The following ENOX2 variants were observed in gnomAD, a reference collection of about 807,000 sequenced individuals.
The protein encoded by ENOX2 is ecto-NOX disulfide-thiol exchanger 2.
A neutral mutation model predicts 45.0 loss-of-function variants in ENOX2; 36 were observed. The observed-to-expected ratio is 0.80, with a 90% CI of 0.61 to 1.06. The LOEUF is 1.06. Among genes scored for constraint, ENOX2 ranks in the 50% least tolerant of loss-of-function variants. The pLI, the probability that ENOX2 is intolerant of heterozygous loss-of-function variation, is 0.00. For missense variants in ENOX2, 423 were observed against 462.5 expected (o/e 0.91, Z 0.78); for synonymous variants, 174 against 152.3 (o/e 1.14, Z -1.05).
intron 3 of ENOX2, among the ~76,000 whole-genome samples, chrX:130,751,822 A>C (rs1340571411): frequency 8.9e-6 from 1 of 112,117 alleles, no homozygotes; most frequent in Non-Finnish European, 1.9e-5. Context: ...GTAATGTTGA[A>C]CATCTTTTCA....
At chrX:130,757,254 A>T (rs2039374556) in intron 3 of ENOX2, among the ~76,000 whole-genome samples, 2 of 111,704 alleles carry the variant, frequency 1.8e-5, no homozygotes, top group South Asian at 7.7e-4. Context: ...TTCCCTTACA[A>T]ATTCATGTCT....
chrX:130,888,252 G>A (rs1423203455), intron 2 of ENOX2, among the ~76,000 whole-genome samples: 1 of 112,414 alleles, frequency 8.9e-6, no homozygotes, highest in African/African-American at 3.2e-5. Context: ...CACTTTACAT[G>A]TAAGTGCTTC....
At chrX:130,821,909 CA>C (rs1222428334) in intron 2 of ENOX2, among the ~76,000 whole-genome samples, 2 of 104,409 alleles carry the variant, frequency 1.9e-5, no homozygotes, top group African/African-American at 7.0e-5. Flanking sequence ...CTACAAAAAA[CA>C]AAAAAAATTA....
intron 3 of ENOX2, among the ~76,000 whole-genome samples, chrX:130,752,758 C>T (rs2039256008): frequency 9.0e-6 from 1 of 110,631 alleles, no homozygotes; most frequent in African/African-American, 3.3e-5. Context: ...TTTGCCTCTC[C>T]CATATAGCTC....
At chrX:130,724,653 A>T (rs2038563523) in intron 3 of ENOX2, among the ~76,000 whole-genome samples, 1 of 112,365 alleles carries the variant, frequency 8.9e-6, no homozygotes, top group African/African-American at 3.2e-5. Flanking sequence ...AAGCTATTGG[A>T]AGAGACTGAC....
intron 3 of ENOX2, among the ~76,000 whole-genome samples, chrX:130,770,629 C>A (rs1296705957): frequency 3.6e-5 from 4 of 111,642 alleles, no homozygotes; most frequent in Non-Finnish European, 7.5e-5. Context: ...ACACAAAGGA[C>A]TAGTAAACAT....
At chrX:130,809,953 A>T (rs1479622662) in intron 2 of ENOX2, among the ~76,000 whole-genome samples, 1 of 111,575 alleles carries the variant, frequency 9.0e-6, no homozygotes, top group East Asian at 2.8e-4. Context: ...AACTACCTAC[A>T]CACAAAAATA....
intron 2 of ENOX2, among the ~76,000 whole-genome samples, chrX:130,841,563 A>T (rs1275931027): frequency 8.9e-6 from 1 of 112,162 alleles, no homozygotes; most frequent in Non-Finnish European, 1.9e-5. Context: ...TGCTTTCCCC[A>T]GGTGGGATCC....
chrX:130,768,896 T>C (rs1219845739), intron 3 of ENOX2, among the ~76,000 whole-genome samples: 1 of 111,255 alleles, frequency 9.0e-6, no homozygotes, highest in Non-Finnish European at 1.9e-5. Flanking sequence ...TTCTCAGATA[T>C]AGTTTGGATG....
intron 2 of ENOX2, among the ~76,000 whole-genome samples, chrX:130,791,747 C>T (rs1286022632): frequency 9.0e-6 from 1 of 111,708 alleles, no homozygotes; most frequent in Non-Finnish European, 1.9e-5. Context: ...GTATCTTCTG[C>T]ATCTTAGGAT....
At chrX:130,829,276 C>G (rs774897182) in intron 2 of ENOX2, among the ~76,000 whole-genome samples, 17 of 111,678 alleles carry the variant, frequency 1.5e-4, no homozygotes, top group Admixed American at 9.5e-4. Context: ...ATGCCAAGCC[C>G]TATATGGTCA....
intron 4 of ENOX2, among the ~76,000 whole-genome samples, chrX:130,689,903 C>T (rs1019122700): frequency 1.8e-5 from 2 of 111,318 alleles, no homozygotes; most frequent in African/African-American, 3.3e-5. Flanking sequence ...GCAGCATTTT[C>T]GTGGCACAAT....
At chrX:130,827,326 C>T (rs776121187) in intron 2 of ENOX2, among the ~76,000 whole-genome samples, 1 of 111,706 alleles carries the variant, frequency 9.0e-6, no homozygotes, top group East Asian at 2.8e-4. Flanking sequence ...GATTCTGCCC[C>T]CTCTGACTGG....
At chrX:130,887,593 C>T (rs1280788475) in intron 2 of ENOX2, among the ~76,000 whole-genome samples, 1 of 111,177 alleles carries the variant, frequency 9.0e-6, no homozygotes, top group Non-Finnish European at 1.9e-5. Flanking sequence ...GCTATTACTG[C>T]ATGTGTCACC....
intron 2 of ENOX2, among the ~76,000 whole-genome samples, chrX:130,875,660 G>A (rs928649852): frequency 7.2e-5 from 8 of 111,260 alleles, no homozygotes; most frequent in African/African-American, 1.6e-4. Context: ...AACTAAAATC[G>A]GATCATAGGC....
intron 2 of ENOX2, among the ~76,000 whole-genome samples, chrX:130,878,540 A>C (rs2078749541): frequency 9.0e-6 from 1 of 111,589 alleles, no homozygotes; most frequent in African/African-American, 3.3e-5. Flanking sequence ...GTGAGTGCCA[A>C]TATTCACGAA....
At chrX:130,832,844 C>T (rs2077860750) in intron 2 of ENOX2, among the ~76,000 whole-genome samples, 1 of 111,047 alleles carries the variant, frequency 9.0e-6, no homozygotes, top group Non-Finnish European at 1.9e-5. Context: ...TCACACACCA[C>T]CCCCTTTTAG....
At chrX:130,633,025 A>T (rs1187797391) in intron 12 of ENOX2, among the ~76,000 whole-genome samples, 2 of 112,366 alleles carry the variant, frequency 1.8e-5, no homozygotes, top group Non-Finnish European at 3.8e-5. Context: ...AGCCATCTTG[A>T]ATAGAACTGC....
At chrX:130,688,343 G>C (rs975734466) in intron 5 of ENOX2, among the ~76,000 whole-genome samples, 3 of 112,062 alleles carry the variant, frequency 2.7e-5, no homozygotes, top group African/African-American at 9.7e-5. Context: ...GCTATGAGTA[G>C]TGTGACTTAG....
Sources: gnomAD v4.1 joint callset for allele counts (sites outside exome capture counted in the v4.1 genomes callset) on GRCh38, gnomAD v4.1.1 for gene constraint, MANE v1.5 for transcripts, NCBI Gene and HGNC (gene_info 2026-07-23, HGNC 2026-07-21) for gene names.